PALLD: variants seen among roughly 807,000 people sequenced by gnomAD.
PALLD encodes palladin, cytoskeletal associated protein.
PALLD carries 61 observed loss-of-function variants against 123.5 expected under a neutral mutation model. The observed-to-expected ratio is 0.49, with a 90% CI of 0.40 to 0.61. The LOEUF is 0.61. PALLD is among the 20% of genes least tolerant of loss of function. The pLI is 0.00. For missense variants in PALLD, 1,273 were observed against 1,377.0 expected (o/e 0.92, Z 1.20); for synonymous variants, 465 against 496.4 (o/e 0.94, Z 0.84).
In PALLD at chr4:168,733,500, T is replaced by G. The variant is rs74416660; in HGVS notation, c.1964+21577T>G. 6.4e-3 allele frequency among the ~76,000 whole-genome samples: 974 copies of G among 152,128 alleles called. 13 individuals carry two copies. Among genetic ancestry groups the G allele is most frequent in the African/African-American group, 0.022 (917 of 41,496 alleles). ...ATATGACCAATGTGATGAGTACAAC[T>G]TGATCATAATTGTAAAATATTAGTG... On this transcript the variant is annotated intron_variant, in intron 10 of 21. Transcript: ENST00000505667.
At chr4:168,917,123 A>G (rs1582163908) in intron 17 of PALLD, among the ~76,000 whole-genome samples, 1 of 141,070 alleles carries the variant, frequency 7.1e-6, no homozygotes, top group South Asian at 2.2e-4. Context: ...ATCTCAGCTC[A>G]CTGCAGCTTC....
chr4:168,895,906 G>A (rs1359862630), intron 12 of PALLD, among the ~76,000 whole-genome samples: 2 of 152,104 alleles, frequency 1.3e-5, no homozygotes, highest in Non-Finnish European at 2.9e-5. Context: ...TGAAAATATT[G>A]TAAGTTGAAA....
At chr4:168,689,780 T>C (rs1206760100) in intron 6 of PALLD, among the ~76,000 whole-genome samples, 3 of 152,062 alleles carry the variant, frequency 2.0e-5, no homozygotes, top group African/African-American at 7.2e-5. Context: ...GAAGTTTAAA[T>C]AGTAAGAAAG....
At chr4:168,591,994 C>T (rs1200342690) in intron 2 of PALLD, among the ~76,000 whole-genome samples, 2 of 150,178 alleles carry the variant, frequency 1.3e-5, no homozygotes, top group East Asian at 1.9e-4. Context: ...TGCTACTCTT[C>T]GGCTACTCTT....
chr4:168,537,122 C>A (rs913237455), intron 2 of PALLD, among the ~76,000 whole-genome samples: 1 of 152,130 alleles, frequency 6.6e-6, no homozygotes, highest in Admixed American at 6.5e-5. Flanking sequence ...CCGCGCCCAG[C>A]GGAAAAGATT....
In PALLD at chr4:168,600,128, T is replaced by TAC. The variant is rs1358293868; in HGVS notation, c.909-68056_909-68055dup. Reference sequence around the variant, plus strand: ...ACACATATATATACATACATGTGTATACACACATATATACATATACACTAT... The same window carrying TAC: ...ACACATATATATACATACATGTGTATACACACACATATATACATATACACTAT... On this transcript the variant is annotated intron_variant, in intron 2 of 21. Transcript: ENST00000505667. 1.4e-3 allele frequency among the ~76,000 whole-genome samples: 202 copies of TAC among 149,352 alleles called. 1 individual carries two copies. The highest frequency in any genetic ancestry group is 4.9e-3 in the African/African-American group (195 of 39,856).
intron 6 of PALLD, among the ~76,000 whole-genome samples, chr4:168,688,437 A>T (rs988913567): frequency 2.6e-5 from 4 of 151,968 alleles, no homozygotes; most frequent in Admixed American, 2.0e-4. Flanking sequence ...TCCCAAATAG[A>T]CCCCTCCAAA....
chr4:168,647,150 A>G (rs985170346), intron 2 of PALLD, among the ~76,000 whole-genome samples: 1 of 152,242 alleles, frequency 6.6e-6, no homozygotes, highest in African/African-American at 2.4e-5. Context: ...CCACTATGAA[A>G]GGGATCAAAC....
intron 10 of PALLD, among the ~76,000 whole-genome samples, chr4:168,780,055 T>C (rs553621113): frequency 6.6e-5 from 10 of 152,036 alleles, no homozygotes; most frequent in Non-Finnish European, 8.8e-5. Context: ...TGTGCCACCA[T>C]GCCCGACTAA....
intron 10 of PALLD, among the ~76,000 whole-genome samples, chr4:168,836,203 G>A (rs142776705): frequency 3.3e-5 from 5 of 152,326 alleles, no homozygotes; most frequent in South Asian, 2.1e-4. Flanking sequence ...TGTCAGTGCC[G>A]AGTCTCCCTG....
intron 10 of PALLD, among the ~76,000 whole-genome samples, chr4:168,859,457 G>A (rs1749116108): frequency 6.6e-6 from 1 of 152,188 alleles, no homozygotes; most frequent in African/African-American, 2.4e-5. Flanking sequence ...GACCATGTGT[G>A]GATGTCTTAG....
chr4:168,801,480 A>G (rs1739316635), intron 10 of PALLD, among the ~76,000 whole-genome samples: 1 of 152,096 alleles, frequency 6.6e-6, no homozygotes, highest in African/African-American at 2.4e-5. Context: ...GGGTTTCACC[A>G]CGTTAGCCAG....
At chr4:168,891,848 G>A (rs1754199042) in intron 11 of PALLD, among the ~76,000 whole-genome samples, 4 of 152,018 alleles carry the variant, frequency 2.6e-5, no homozygotes, top group Admixed American at 6.6e-5. Context: ...ACTTACACAC[G>A]CACACAAATC....
At chr4:168,924,637 A>AT (rs1762225433) in intron 19 of PALLD, among the ~76,000 whole-genome samples, 1 of 152,190 alleles carries the variant, frequency 6.6e-6, no homozygotes, top group South Asian at 2.1e-4. Flanking sequence ...TGATTTCTTA[A>AT]AAGTGTTTAT....
chr4:168,808,888 A>G (rs1465655782), intron 10 of PALLD, among the ~76,000 whole-genome samples: 3 of 152,238 alleles, frequency 2.0e-5, no homozygotes, highest in Admixed American at 1.3e-4. Context: ...ATGGGAGTAC[A>G]GTTCAAGATG....
chr4:168,829,247 C>T (rs1005018497), intron 10 of PALLD: 5 of 152,074 alleles, frequency 3.3e-5, no homozygotes, highest in Non-Finnish European at 7.3e-5. Context: ...AACTGGTCCA[C>T]GTGTACGCAT....
At chr4:168,890,737 G>T (rs1754035186) in intron 10 of PALLD, among the ~76,000 whole-genome samples, 185 bp from the exon 11 acceptor site, 1 of 152,212 alleles carries the variant, frequency 6.6e-6, no homozygotes, top group East Asian at 1.9e-4. Context: ...CTGAAACCTG[G>T]ATCCAATTAG....
At chr4:168,735,274 C>A (rs1787626657) in intron 10 of PALLD, among the ~76,000 whole-genome samples, 1 of 152,156 alleles carries the variant, frequency 6.6e-6, no homozygotes, top group African/African-American at 2.4e-5. Flanking sequence ...GCCCCACTGG[C>A]CTTTTCTCGA....
intron 1 of PALLD, among the ~76,000 whole-genome samples, chr4:168,503,693 AAG>A (rs1761685231): frequency 2.6e-5 from 4 of 152,046 alleles, no homozygotes; most frequent in Admixed American, 2.0e-4. Flanking sequence ...AGCACATTTT[AAG>A]CAAAAGGAGC....
Sources: gnomAD v4.1 joint callset for allele counts (sites outside exome capture counted in the v4.1 genomes callset) on GRCh38, gnomAD v4.1.1 for gene constraint, MANE v1.5 for transcripts, NCBI Gene and HGNC (gene_info 2026-07-23, HGNC 2026-07-21) for gene names.